The following CENPW variants were observed in gnomAD, a reference collection of about 807,000 sequenced individuals.
The protein encoded by CENPW is centromere protein W, also known as cancer-up-regulated gene 2 protein.
Under a neutral mutation model 11.1 loss-of-function variants are expected in CENPW, and 3 were observed. That is an observed-to-expected ratio of 0.27 (90% confidence interval 0.12 to 0.70). CENPW has a LOEUF of 0.70. Among genes scored for constraint, CENPW ranks in the 30% least tolerant of loss-of-function variants. The pLI is 0.77. For missense variants in CENPW, 100 were observed against 105.6 expected (o/e 0.95, Z 0.23); for synonymous variants, 38 against 42.0 (o/e 0.91, Z 0.37).
At chr6:126,362,116 A>T in the CENPW span, among the ~76,000 whole-genome samples, 2 of 152,188 alleles carry the variant, frequency 1.3e-5, no homozygotes, top group African/African-American at 4.8e-5. Context: ...GAGGGCCTGT[A>T]GAACTGATGC....
the CENPW span, among the ~76,000 whole-genome samples, chr6:126,463,146 T>A: frequency 6.6e-6 from 1 of 152,014 alleles, no homozygotes; most frequent in Non-Finnish European, 1.5e-5. Flanking sequence ...TTATGTTAAA[T>A]TACATGATCT....
At chr6:126,433,133 T>G in the CENPW span, among the ~76,000 whole-genome samples, 2 of 152,212 alleles carry the variant, frequency 1.3e-5, no homozygotes, top group African/African-American at 4.8e-5. Flanking sequence ...AAAATTTGTA[T>G]TTTTAAAGAT....
At chr6:126,419,968 C>G in the CENPW span, among the ~76,000 whole-genome samples, 2 of 152,146 alleles carry the variant, frequency 1.3e-5, no homozygotes, top group Non-Finnish European at 2.9e-5. Context: ...ATTCACAGGT[C>G]TGGGAATGAA....
the CENPW span, among the ~76,000 whole-genome samples, chr6:126,386,493 A>G: frequency 1.3e-5 from 2 of 152,010 alleles, no homozygotes; most frequent in Non-Finnish European, 1.5e-5. Flanking sequence ...AATGGTCATC[A>G]GTTGCATTAG....
At chr6:126,397,989 C>T in the CENPW span, among the ~76,000 whole-genome samples, 1 of 152,054 alleles carries the variant, frequency 6.6e-6, no homozygotes, top group African/African-American at 2.4e-5. Flanking sequence ...TTTATTGACT[C>T]ATCAAACTAG....
At chr6:126,475,498 G>A in the CENPW span, among the ~76,000 whole-genome samples, 1 of 151,938 alleles carries the variant, frequency 6.6e-6, no homozygotes, top group Non-Finnish European at 1.5e-5. Context: ...AAAATATGAA[G>A]GCAAGAATAT....
the CENPW span, among the ~76,000 whole-genome samples, chr6:126,478,410 ATCTCTCTC>A: frequency 6.8e-6 from 1 of 146,804 alleles, no homozygotes; most frequent in Non-Finnish European, 1.5e-5. Context: ...GTCTCTCTTT[ATCTCTCTC>A]TCTCTCTCTC....
the CENPW span, among the ~76,000 whole-genome samples, chr6:126,374,278 T>C: frequency 6.6e-6 from 1 of 152,206 alleles, no homozygotes; most frequent in African/African-American, 2.4e-5. Context: ...AAATAGATTT[T>C]TTTAAAGGCC....
chr6:126,475,552 A>G, the CENPW span, among the ~76,000 whole-genome samples: 9 of 152,148 alleles, frequency 5.9e-5, no homozygotes, highest in Admixed American at 1.3e-4. Flanking sequence ...ACCTAGGTAA[A>G]ATATTTGGTT....
chr6:126,388,640 G>A, the CENPW span, among the ~76,000 whole-genome samples: 5 of 151,912 alleles, frequency 3.3e-5, no homozygotes, highest in Non-Finnish European at 7.4e-5. Context: ...TGCATGGGAC[G>A]TTGCTTACTT....
At chr6:126,386,607 G>C in the CENPW span, among the ~76,000 whole-genome samples, 1 of 151,974 alleles carries the variant, frequency 6.6e-6, no homozygotes, top group Non-Finnish European at 1.5e-5. Flanking sequence ...TCTTTAAAGA[G>C]ATGAAATAGT....
At chr6:126,369,440 A>G in the CENPW span, among the ~76,000 whole-genome samples, 2 of 152,220 alleles carry the variant, frequency 1.3e-5, 1 homozygote, top group South Asian at 4.1e-4. Context: ...TTGCCAACAT[A>G]CATTTTTTTA....
chr6:126,467,782 T>C, the CENPW span, among the ~76,000 whole-genome samples: 1 of 152,022 alleles, frequency 6.6e-6, no homozygotes, highest in East Asian at 1.9e-4. Flanking sequence ...AAATACAGTA[T>C]AAAAAGGGGC....
the CENPW span, among the ~76,000 whole-genome samples, chr6:126,396,006 T>G: frequency 4.6e-5 from 7 of 152,022 alleles, no homozygotes; most frequent in Non-Finnish European, 1.0e-4. Context: ...CAGCACTGAA[T>G]CTCACCCAAG....
chr6:126,404,138 C>T, the CENPW span, among the ~76,000 whole-genome samples: 1 of 152,068 alleles, frequency 6.6e-6, no homozygotes, highest in Non-Finnish European at 1.5e-5. Flanking sequence ...AGACCTACTG[C>T]ACAGAAAAGA....
the CENPW span, among the ~76,000 whole-genome samples, chr6:126,412,073 TTCTC>T: frequency 7.1e-5 from 8 of 112,148 alleles, no homozygotes; most frequent in African/African-American, 2.3e-4. Context: ...CCTCCCTCCT[TTCTC>T]TCTCTCTCTC....
the CENPW span, among the ~76,000 whole-genome samples, chr6:126,401,850 T>A: frequency 6.6e-6 from 1 of 152,104 alleles, no homozygotes; most frequent in African/African-American, 2.4e-5. Context: ...TGGATTCCTC[T>A]TATGTCTGTG....
At chr6:126,358,546 A>C in the CENPW span, among the ~76,000 whole-genome samples, 2 of 152,332 alleles carry the variant, frequency 1.3e-5, no homozygotes, top group East Asian at 3.9e-4. Context: ...GTTGCATCCC[A>C]GGAATGAAGC....
the CENPW span, among the ~76,000 whole-genome samples, chr6:126,405,567 G>T: frequency 6.6e-6 from 1 of 151,858 alleles, no homozygotes; most frequent in African/African-American, 2.4e-5. Context: ...GATAGAGATT[G>T]CATTAAATCT....
Sources: allele counts gnomAD v4.1 joint callset (sites outside exome capture counted in the v4.1 genomes callset), GRCh38; gene constraint gnomAD v4.1.1; transcripts MANE v1.5; gene names NCBI Gene and HGNC (gene_info 2026-07-23, HGNC 2026-07-21).